Variants in RPL31 observed in about 807,000 individuals in gnomAD.
RPL31 encodes the protein large ribosomal subunit protein eL31.
For missense variants in RPL31, 95 were observed against 164.0 expected, an observed-to-expected ratio of 0.58 and a Z score of 2.30; for synonymous variants, 51 against 55.0, an observed-to-expected ratio of 0.93 and a Z score of 0.32.
chr2:101,015,085 CCTA>C (rs1423705966), intron 4 of RPL31, among the ~76,000 whole-genome samples: 1 of 152,182 alleles, frequency 6.6e-6, no homozygotes, highest in African/African-American at 2.4e-5. Flanking sequence ...GATGCTGTAG[CCTA>C]CTACACACCT....
At chr2:101,017,952 T>C in intron 4 of RPL31, 1 of 1,549,592 alleles carries the variant, frequency 6.5e-7, no homozygotes, top group Non-Finnish European at 8.7e-7. Flanking sequence ...CTTCTCTACT[T>C]GGTGAAAAGT....
chr2:101,003,965 T>C (rs1303660286), intron 2 of RPL31, among the ~76,000 whole-genome samples, 193 bp from the exon 3 acceptor site: 3 of 152,202 alleles, frequency 2.0e-5, no homozygotes, highest in African/African-American at 7.2e-5. Context: ...TAGGAGGACA[T>C]ACCATCTACA....
downstream of RPL31, chr2:101,008,021 C>G: frequency 6.2e-7 from 1 of 1,613,998 alleles, no homozygotes; most frequent in African/African-American, 1.3e-5. Flanking sequence ...TCTGCCGCCT[C>G]TGGAAATGCC....
In RPL31 at chr2:101,012,278, A is replaced by C. The variant is rs150719619; in HGVS notation, c.346+6207A>C. ...CAGATTGTTCACAGTAGTATTGTTC[A>C]TAGTAGCCAAAAAAACACCCAAATG... On this transcript the variant is annotated intron_variant, in intron 4 of 4. Transcript: ENST00000409028. Among the ~76,000 whole-genome samples, 16 of 152,340 alleles carry C rather than the reference A, an allele frequency of 1.1e-4. No homozygotes were observed. In the East Asian group the frequency reaches 2.9e-3, roughly 28 times the overall value.
downstream of RPL31, among the ~76,000 whole-genome samples, chr2:101,011,739 A>C (rs187865794): frequency 1.2e-3 from 188 of 152,340 alleles, 1 homozygote; most frequent in Non-Finnish European, 1.4e-3. Flanking sequence ...CCCCACACCA[A>C]GTGTGCCTTT....
exon 5 of RPL31, chr2:101,019,224 C>G (rs1020015486): frequency 1.1e-4 from 61 of 574,282 alleles, no homozygotes; most frequent in Non-Finnish European, 1.6e-4. Context: ...CTGCCCTTGC[C>G]TCTTCGACAG....
intron 2 of RPL31, among the ~76,000 whole-genome samples, chr2:101,003,816 T>C (rs1004383565): frequency 1.3e-5 from 2 of 152,160 alleles, no homozygotes; most frequent in African/African-American, 4.8e-5. Context: ...TTAATCAAAT[T>C]TAGTATTTTG....
At chr2:101,014,248 ATCT>A (rs557101698) in intron 4 of RPL31, among the ~76,000 whole-genome samples, 214 of 152,024 alleles carry the variant, frequency 1.4e-3, no homozygotes, top group African/African-American at 4.5e-3. Context: ...ATTTTTCAAA[ATCT>A]TCTGTGGCAT....
At chr2:101,005,754 A>T (rs967496829) in intron 3 of RPL31, 6 of 577,970 alleles carry the variant, frequency 1.0e-5, no homozygotes, top group Non-Finnish European at 1.8e-5. Context: ...ACATGTCTTC[A>T]AACAAGCATC....
intron 4 of RPL31, among the ~76,000 whole-genome samples, chr2:101,015,262 T>C (rs1433533237): frequency 1.3e-5 from 2 of 152,154 alleles, no homozygotes; most frequent in African/African-American, 2.4e-5. Context: ...ATGGTATACC[T>C]GTATAGACCA....
At chr2:101,019,285 A>C (rs1679880358) in exon 5 of RPL31, 2 of 397,340 alleles carry the variant, frequency 5.0e-6, no homozygotes, top group South Asian at 1.4e-4. Context: ...ACAAATTCAC[A>C]TTTGATGTAA....
At chr2:101,007,806 G>C, downstream of RPL31, 1 of 1,610,244 alleles carries the variant, frequency 6.2e-7, no homozygotes, top group East Asian at 2.2e-5. Flanking sequence ...AGTGTGCATA[G>C]CAGCTGCTGT....
rs74361563 is a variant in RPL31, at chr2:101,012,286, C to A, written c.346+6215C>A. ...TCACAGTAGTATTGTTCATAGTAGC[C>A]AAAAAAACACCCAAATGTTGAATAA... On this transcript the variant is annotated intron_variant, in intron 4 of 4. Transcript: ENST00000409028. 6.9e-3 allele frequency among the ~76,000 whole-genome samples: 1,053 copies of A among 151,974 alleles called. 14 individuals carry two copies. Among genetic ancestry groups the A allele is most frequent in the African/African-American group, 0.025 (1,016 of 41,436 alleles).
intron 2 of RPL31, among the ~76,000 whole-genome samples, chr2:101,003,233 T>C (rs771450966): frequency 7.9e-5 from 12 of 152,192 alleles, no homozygotes; most frequent in East Asian, 5.8e-4. Context: ...ACCCTTTTTT[T>C]CCCTATGCCT....
intron 4 of RPL31, among the ~76,000 whole-genome samples, chr2:101,018,694 G>A (rs1679833773): frequency 6.6e-6 from 1 of 152,168 alleles, no homozygotes; most frequent in Non-Finnish European, 1.5e-5. Flanking sequence ...GATGTGAGGG[G>A]TCCTCATAGG....
chr2:101,007,980 AAT>A (rs1321459545), downstream of RPL31: 1 of 1,614,032 alleles, frequency 6.2e-7, no homozygotes, highest in Admixed American at 1.7e-5. Context: ...GTGAAGCTAA[AAT>A]ATGTTCAAGG....
rs1432889039 is a variant in RPL31 at position 101,006,025 on chromosome 2, T to A, written c.300T>A (p.Asn100Lys). 1 of 1,613,974 alleles carries A rather than the reference T, an allele frequency of 6.2e-7. No individual in the cohort carries two copies. The highest frequency in any genetic ancestry group is 1.1e-5 in the South Asian group (1 of 91,086). Residue 100 changes from asparagine to lysine, a missense_variant, in exon 4 of 5, where the codon AAT becomes AAA. By Grantham distance (94) the Asn-to-Lys change is moderately conservative (BLOSUM62 0). Transcript: ENST00000264258. ...RKRNEDEDSP[N>K]KLYTLVTYVP... is the part of the protein sequence containing the mutation. ...GTAATGAGGATGAAGATTCACCAAA[T>A]AAGCTATATACTTTGGTTACCTATG...
intron 4 of RPL31, among the ~76,000 whole-genome samples, chr2:101,012,560 T>G (rs976180111): frequency 6.6e-6 from 1 of 152,096 alleles, no homozygotes; most frequent in African/African-American, 2.4e-5. Context: ...GATATGACAT[T>G]TATTTTCAGG....
downstream of RPL31, chr2:101,007,586 A>G (rs550116018): frequency 1.6e-5 from 8 of 515,638 alleles, no homozygotes; most frequent in African/African-American, 1.5e-4. Flanking sequence ...ATCCGGTAAA[A>G]ATTGTAAGTT....
Sources: gnomAD v4.1 joint callset for allele counts (sites outside exome capture counted in the v4.1 genomes callset) on GRCh38, gnomAD v4.1.1 for gene constraint, MANE v1.5 for transcripts, NCBI Gene and HGNC (gene_info 2026-07-23, HGNC 2026-07-21) for gene names.